Variants in COL19A1 observed in about 807,000 individuals in gnomAD.
The protein encoded by COL19A1 is collagen alpha-1(XIX) chain.
Under a neutral mutation model 190.2 loss-of-function variants are expected in COL19A1, and 159 were observed. The ratio of observed to expected loss-of-function variants is 0.84; its 90% CI spans 0.73 to 0.95. The LOEUF is 0.95. COL19A1 is among the 40% of genes least tolerant of loss of function. The pLI, the probability that COL19A1 is intolerant of heterozygous loss-of-function variation, is 0.00. For synonymous variants in COL19A1, 509 were observed against 458.9 expected (o/e 1.11, Z -1.39); for missense variants, 1,418 against 1,431.9 (o/e 0.99, Z 0.16).
intron 44 of COL19A1, among the ~76,000 whole-genome samples, chr6:70,182,987 TGA>T (rs1001080000): frequency 6.6e-6 from 1 of 152,068 alleles, no homozygotes; most frequent in Non-Finnish European, 1.5e-5. Context: ...GGAGGGATGG[TGA>T]GAGGGGTCTC....
At chr6:70,184,532 C>T (rs1361051666) in intron 44 of COL19A1, among the ~76,000 whole-genome samples, 171 bp from the exon 45 acceptor site, 1 of 152,156 alleles carries the variant, frequency 6.6e-6, no homozygotes, top group Non-Finnish European at 1.5e-5. Flanking sequence ...GTGTCAGAAT[C>T]CGAACTCAGG....
intron 34 of COL19A1, among the ~76,000 whole-genome samples, chr6:70,161,157 C>T (rs3806044): frequency 1.1e-4 from 16 of 152,142 alleles, no homozygotes; most frequent in South Asian, 2.1e-4. Context: ...GCCATTAAAG[C>T]GTTCCAAATT....
At chr6:70,072,959 T>TTTTTTTTA (rs377498931) in intron 15 of COL19A1, among the ~76,000 whole-genome samples, 3 of 144,104 alleles carry the variant, frequency 2.1e-5, no homozygotes, top group Admixed American at 7.0e-5. Context: ...ATTGCCTGAA[T>TTTTTTTTA]TTTATTTATT....
chr6:70,168,083 T>A lies in COL19A1; in HGVS notation c.2496+8T>A, dbSNP rs765733476. On this transcript the variant is annotated splice_region_variant and intron_variant, in intron 38 of 50. Coordinates refer to ENST00000620364, the MANE Select transcript of COL19A1 (RefSeq NM_001858.6). ...AGTTTATATAAAATTAAGGTATTTA[T>A]ATTTGTAATTATTTAAAATCCAGTT... 1.8e-5 allele frequency: 29 copies of A among 1,583,244 alleles called. No homozygotes were observed. The highest frequency in any genetic ancestry group is 2.5e-5 in the Non-Finnish European group (29 of 1,159,444).
chr6:70,083,750 T>C (rs1423349743), intron 15 of COL19A1, among the ~76,000 whole-genome samples: 1 of 152,208 alleles, frequency 6.6e-6, no homozygotes, highest in Non-Finnish European at 1.5e-5. Flanking sequence ...TTCTCAGCTA[T>C]GCAACATATG....
In COL19A1 at chr6:70,136,818, G is replaced by A. The variant is rs1009757825; in HGVS notation, c.1384-867G>A. ...TCTTTTGAAGTAAAAAAATAGGCCAGGTAGGCAAAAACGGTATATGCTCAG... is the reference window on the plus strand; with the variant it reads ...TCTTTTGAAGTAAAAAAATAGGCCAAGTAGGCAAAAACGGTATATGCTCAG... On this transcript the variant is annotated intron_variant, in intron 18 of 50. Transcript: ENST00000620364. Among the ~76,000 whole-genome samples, 75 of 151,958 alleles carry A rather than the reference G, an allele frequency of 4.9e-4. 1 individual carries two copies. Among genetic ancestry groups the A allele is most frequent in the Middle Eastern group, 6.8e-3 (2 of 294 alleles).
chr6:70,093,219 G>A (rs1386624815), intron 15 of COL19A1, among the ~76,000 whole-genome samples: 6 of 152,114 alleles, frequency 3.9e-5, no homozygotes, highest in Non-Finnish European at 8.8e-5. Flanking sequence ...CTCCAGTATG[G>A]GAGTGTGCTG....
At chr6:70,087,301 G>T (rs900984117) in intron 15 of COL19A1, among the ~76,000 whole-genome samples, 2 of 152,144 alleles carry the variant, frequency 1.3e-5, no homozygotes, top group Admixed American at 1.3e-4. Context: ...CAGAGGAAGG[G>T]GATATGCAGT....
chr6:70,022,243 C>A (rs1156830228), intron 11 of COL19A1, among the ~76,000 whole-genome samples: 2 of 152,122 alleles, frequency 1.3e-5, no homozygotes, highest in East Asian at 3.9e-4. Flanking sequence ...TTCACAGACA[C>A]ACACAGACAT....
intron 16 of COL19A1, among the ~76,000 whole-genome samples, chr6:70,113,848 T>C (rs996944520): frequency 4.9e-5 from 7 of 141,482 alleles, no homozygotes; most frequent in African/African-American, 1.9e-4. Context: ...CTTTCTTTTT[T>C]TTTTTTTTTT....
chr6:69,911,040 T>C (rs1325887694), intron 4 of COL19A1, among the ~76,000 whole-genome samples: 1 of 152,222 alleles, frequency 6.6e-6, no homozygotes, highest in African/African-American at 2.4e-5. Flanking sequence ...CATAGCTTTA[T>C]AACAACTCTA....
intron 9 of COL19A1, among the ~76,000 whole-genome samples, chr6:69,941,657 A>G (rs939839164): frequency 2.0e-5 from 3 of 149,166 alleles, no homozygotes; most frequent in East Asian, 1.9e-4. Context: ...TATTATCTGT[A>G]TCTGACCTTC....
chr6:69,867,382 C>CTGCAGCCG (rs1767530084), intron 1 of COL19A1: 2 of 155,268 alleles, frequency 1.3e-5, no homozygotes, highest in Non-Finnish European at 2.9e-5. Flanking sequence ...CGCAGTCCTC[C>CTGCAGCCG]CTGCAGCCAC....
chr6:70,160,198 C>T (rs562464035), intron 34 of COL19A1, among the ~76,000 whole-genome samples: 2 of 152,092 alleles, frequency 1.3e-5, no homozygotes, highest in East Asian at 3.9e-4. Context: ...CTGGGGAGGC[C>T]TCAGGAAACT....
intron 16 of COL19A1, among the ~76,000 whole-genome samples, chr6:70,108,793 C>T (rs988642332): frequency 1.3e-5 from 2 of 152,062 alleles, no homozygotes; most frequent in Admixed American, 1.3e-4. Flanking sequence ...TAAAACAAGT[C>T]TGATTTGAAA....
chr6:69,904,007 A>G (rs1196142772), intron 4 of COL19A1, among the ~76,000 whole-genome samples: 2 of 152,138 alleles, frequency 1.3e-5, no homozygotes, highest in South Asian at 2.1e-4. Flanking sequence ...ACCTCCCATC[A>G]AGGCAAACTG....
intron 1 of COL19A1, among the ~76,000 whole-genome samples, 194 bp downstream of exon 1, chr6:69,866,834 G>C (rs1391510998): frequency 1.3e-5 from 2 of 152,204 alleles, no homozygotes; most frequent in South Asian, 4.1e-4. Flanking sequence ...GGGCCTTAAG[G>C]ATGGGACCAA....
At position 70,168,152 on chromosome 6, in the gene COL19A1, T is replaced by C. The variant is rs1397058185; in HGVS notation, c.2497-19T>C. The C allele has an allele frequency of 1.3e-5, 21 of 1,612,368 alleles. No individual in the cohort carries two copies. Among genetic ancestry groups the C allele is most frequent in the Non-Finnish European group, 1.7e-5 (20 of 1,179,238 alleles). The stretch of plus-strand genomic sequence containing the variant: ...GTCTCATCTTTCTCTTTTTCTTTTC[T>C]TTTCATTTTCTTTTGAAGGGAGGTG... On this transcript the variant is annotated intron_variant, in intron 38 of 50. Transcript: ENST00000620364.
chr6:70,131,896 A>T (rs767228099), intron 18 of COL19A1, among the ~76,000 whole-genome samples: 6 of 151,912 alleles, frequency 3.9e-5, no homozygotes, highest in Admixed American at 6.6e-5. Flanking sequence ...AACTCTAAGG[A>T]CCTTTTCTAT....
Sources: allele counts gnomAD v4.1 joint callset (sites outside exome capture counted in the v4.1 genomes callset), GRCh38; gene constraint gnomAD v4.1.1; transcripts MANE v1.5; gene names NCBI Gene and HGNC (gene_info 2026-07-23, HGNC 2026-07-21).